The following DAB1 variants were observed in gnomAD, a reference collection of about 807,000 sequenced individuals.
DAB1 encodes the protein disabled homolog 1.
DAB1 carries 15 observed loss-of-function variants against 64.6 expected under a neutral mutation model. The observed-to-expected ratio is 0.23, with a 90% confidence interval of 0.16 to 0.36. The LOEUF is 0.36. Ranked by LOEUF, DAB1 falls within the 10% of genes least tolerant of loss-of-function variation. The probability of loss-of-function intolerance (pLI) is 1.00; values close to 1 mark genes in which losing one functional copy is unlikely to be tolerated. For synonymous variants in DAB1, 235 were observed against 251.9 expected (o/e 0.93, Z 0.64); for missense variants, 596 against 706.7 (o/e 0.84, Z 1.78).
chr1:57,695,333 AAAGAAAGAAAGAAAGAAAGAAAAGAAAG>A, intron 6 of DAB1, among the ~76,000 whole-genome samples: 2 of 122,358 alleles, frequency 1.6e-5, no homozygotes, highest in African/African-American at 3.1e-5. Flanking sequence ...AGAAAGAAAG[AAAGAAAGAAAGAAAGAAAGAAAAGAAAG>A]AAGAAAGAAA....
chr1:58,436,054 C>G (rs185551578), intron 3 of DAB1, among the ~76,000 whole-genome samples: 2 of 152,298 alleles, frequency 1.3e-5, no homozygotes, highest in Admixed American at 1.3e-4. Flanking sequence ...GTTTGCCCAG[C>G]CTCACCTACT....
chr1:58,470,995 T>C (rs1645351394), intron 3 of DAB1, among the ~76,000 whole-genome samples: 1 of 152,194 alleles, frequency 6.6e-6, no homozygotes, highest in Non-Finnish European at 1.5e-5. Flanking sequence ...GATTTAATTT[T>C]TTTAAGTCCT....
upstream of DAB1, among the ~76,000 whole-genome samples, chr1:57,426,903 G>A (rs1685311696): frequency 7.2e-6 from 1 of 138,692 alleles, no homozygotes; most frequent in Non-Finnish European, 1.7e-5. Flanking sequence ...TGGCTCTGTC[G>A]CCCAGGCTGG....
At chr1:58,004,740 G>GT (rs1318137955) in intron 5 of DAB1, among the ~76,000 whole-genome samples, 1 of 152,136 alleles carries the variant, frequency 6.6e-6, no homozygotes, top group African/African-American at 2.4e-5. Context: ...CACGTGCCCT[G>GT]TTTTCTCATG....
chr1:58,485,255 A>AAAAAAAAAAAAAAAAAG (rs1278777616), intron 3 of DAB1, among the ~76,000 whole-genome samples: 1 of 150,082 alleles, frequency 6.7e-6, no homozygotes, highest in Non-Finnish European at 1.5e-5. Context: ...AAAAAAAAAA[A>AAAAAAAAAAAAAAAAAG]AGCTGGCCTG....
chr1:58,367,396 C>T (rs1644226841), intron 3 of DAB1, among the ~76,000 whole-genome samples: 1 of 152,206 alleles, frequency 6.6e-6, no homozygotes, highest in Non-Finnish European at 1.5e-5. Flanking sequence ...AGCTTCTGTC[C>T]TCAGCCAACC....
chr1:57,377,792 G>A lies in DAB1; in HGVS notation c.-137+46138C>T, dbSNP rs1024837972. Among the ~76,000 whole-genome samples, 3 of 152,180 alleles carry A rather than the reference G, an allele frequency of 2.0e-5. No homozygotes were observed. In the East Asian group the frequency reaches 5.8e-4, roughly 29 times the overall value. ...GCAAAGGCGTGGGCAGAGTTATGGG[G>A]AAGCTGCAGGGGATGGTGTAGTATG... On this transcript the variant is annotated intron_variant, in intron 1 of 14. Transcript: ENST00000371236.
chr1:58,126,659 C>CCA (rs1229667857), intron 5 of DAB1, among the ~76,000 whole-genome samples: 22 of 135,014 alleles, frequency 1.6e-4, no homozygotes, highest in Non-Finnish European at 1.2e-4. Context: ...CTTCCTGTGT[C>CCA]CATGTGATCT....
chr1:57,388,163 A>C (rs1163356444), intron 1 of DAB1, among the ~76,000 whole-genome samples: 1 of 152,186 alleles, frequency 6.6e-6, no homozygotes, highest in Non-Finnish European at 1.5e-5. Flanking sequence ...TGCACTCGCA[A>C]ATGTGATTAT....
At chr1:57,563,225 TG>T (rs1373868488) in intron 7 of DAB1, among the ~76,000 whole-genome samples, 1 of 152,226 alleles carries the variant, frequency 6.6e-6, no homozygotes, top group Non-Finnish European at 1.5e-5. Flanking sequence ...AAACAAGGAC[TG>T]AAATTGTCAT....
chr1:57,248,538 CA>C (rs1669070336), intron 2 of DAB1, among the ~76,000 whole-genome samples: 2 of 152,152 alleles, frequency 1.3e-5, no homozygotes, highest in Admixed American at 1.3e-4. Context: ...TATCAGCTAA[CA>C]AGTGCCGGTG....
intron 1 of DAB1, among the ~76,000 whole-genome samples, chr1:57,326,120 G>A (rs975797211): frequency 6.6e-6 from 1 of 152,230 alleles, no homozygotes; most frequent in Non-Finnish European, 1.5e-5. Context: ...TCACAGTCTA[G>A]CAATGAAATA....
intron 11 of DAB1, among the ~76,000 whole-genome samples, chr1:57,021,681 C>T (rs561278002): frequency 1.3e-5 from 2 of 152,260 alleles, no homozygotes; most frequent in African/African-American, 2.4e-5. Flanking sequence ...TTATCAGCAG[C>T]GTGAGAATGG....
chr1:57,866,117 T>C (rs1033551657), intron 1 of DAB1, among the ~76,000 whole-genome samples: 23 of 152,228 alleles, frequency 1.5e-4, no homozygotes, highest in African/African-American at 5.5e-4. Flanking sequence ...TGCCACTATT[T>C]CTTCATTTAT....
chr1:57,819,506 T>C (rs981919174), intron 6 of DAB1, among the ~76,000 whole-genome samples: 8 of 152,178 alleles, frequency 5.3e-5, no homozygotes, highest in Admixed American at 2.6e-4. Context: ...AATAAACTAA[T>C]GATAGTAGCT....
rs375654875 is a variant in DAB1, at chr1:57,624,508, T to G, written n.625+25084A>C. Among the ~76,000 whole-genome samples, 5 of 152,302 alleles carry G rather than the reference T, an allele frequency of 3.3e-5. No homozygotes were observed. The East Asian group carries it at 9.6e-4, about 29-fold the overall frequency. Reference sequence around the variant, plus strand: ...GTTGCTAAGACGGTTATACCCAACTTGAAATGAGAACTCACTTTTTCATTC... The same window carrying G: ...GTTGCTAAGACGGTTATACCCAACTGGAAATGAGAACTCACTTTTTCATTC... On this transcript the variant is annotated intron_variant and non_coding_transcript_variant, in intron 7 of 20. Coordinates refer to the DAB1 transcript ENST00000485760.
chr1:57,397,425 T>C (rs1682900068), intron 1 of DAB1, among the ~76,000 whole-genome samples: 1 of 152,198 alleles, frequency 6.6e-6, no homozygotes, highest in South Asian at 2.1e-4. Flanking sequence ...AGATTATCTA[T>C]TTTTTTCTTC....
chr1:57,431,573 C>G (rs141954930), intron 7 of DAB1, among the ~76,000 whole-genome samples: 2 of 152,160 alleles, frequency 1.3e-5, no homozygotes, highest in Non-Finnish European at 2.9e-5. Context: ...AAACTTGACT[C>G]TGGTTTACAA....
intron 6 of DAB1, among the ~76,000 whole-genome samples, chr1:57,685,292 T>C (rs1646682923): frequency 6.6e-6 from 1 of 151,464 alleles, no homozygotes; most frequent in African/African-American, 2.4e-5. Flanking sequence ...AGACTTTAAA[T>C]TAACAACTAT....
Sources: gnomAD v4.1 joint callset for allele counts (sites outside exome capture counted in the v4.1 genomes callset) on GRCh38, gnomAD v4.1.1 for gene constraint, MANE v1.5 for transcripts, NCBI Gene and HGNC (gene_info 2026-07-23, HGNC 2026-07-21) for gene names.